The following ALK variants were observed in gnomAD, a reference collection of about 807,000 sequenced individuals.
ALK encodes the protein ALK receptor tyrosine kinase.
In ALK, 74 loss-of-function variants were observed where a neutral mutation model predicts 163.1. The ratio of observed to expected loss-of-function variants is 0.45; its 90% confidence interval spans 0.38 to 0.55. The LOEUF is 0.55. Among genes scored for constraint, ALK ranks in the 20% least tolerant of loss-of-function variants. The probability of loss-of-function intolerance (pLI) is 0.00; values close to 1 mark genes in which losing one functional copy is unlikely to be tolerated. For missense variants in ALK, 2,063 were observed against 2,105.3 expected (o/e 0.98, Z 0.39); for synonymous variants, 960 against 843.2 (o/e 1.14, Z -2.40).
At chr2:29,451,478 C>T (rs566129634) in intron 4 of ALK, among the ~76,000 whole-genome samples, 1 of 152,312 alleles carries the variant, frequency 6.6e-6, no homozygotes, top group Non-Finnish European at 1.5e-5. Flanking sequence ...TACACACACA[C>T]AACCAAACTG....
At chr2:29,741,055 T>C (rs1680045349) in intron 1 of ALK, among the ~76,000 whole-genome samples, 1 of 152,118 alleles carries the variant, frequency 6.6e-6, no homozygotes, top group African/African-American at 2.4e-5. Flanking sequence ...ATGAAAGACA[T>C]GGAAGATACT....
At chr2:29,643,910 G>A (rs1198330036) in intron 3 of ALK, among the ~76,000 whole-genome samples, 1 of 152,060 alleles carries the variant, frequency 6.6e-6, no homozygotes, top group African/African-American at 2.4e-5. Flanking sequence ...ATATACCTGA[G>A]GGATTACAAA....
intron 4 of ALK, among the ~76,000 whole-genome samples, chr2:29,413,058 T>A (rs1160622648): frequency 6.6e-6 from 1 of 152,232 alleles, no homozygotes; most frequent in East Asian, 1.9e-4. Flanking sequence ...ACCTTCGTAG[T>A]CCTTAATCAC....
chr2:29,780,429 CACCTCTCTAGGGTATTTTTAGA>C (rs1681302291), intron 1 of ALK, among the ~76,000 whole-genome samples: 1 of 152,230 alleles, frequency 6.6e-6, no homozygotes, highest in African/African-American at 2.4e-5. Flanking sequence ...GTGGGCCTCC[CACCTCTCTAGGGTATTTTTAGA>C]ACTGAGCATG....
At chr2:29,355,551 A>T (rs1265014367) in intron 5 of ALK, among the ~76,000 whole-genome samples, 1 of 152,114 alleles carries the variant, frequency 6.6e-6, no homozygotes, top group Non-Finnish European at 1.5e-5. Context: ...TCCTTATGCC[A>T]CTATCCCATC....
At chr2:29,575,337 G>T (rs576254856) in intron 3 of ALK, among the ~76,000 whole-genome samples, 1 of 152,102 alleles carries the variant, frequency 6.6e-6, no homozygotes, top group Non-Finnish European at 1.5e-5. Flanking sequence ...GGAAAGCTGC[G>T]AATGTTTTCA....
chr2:29,541,132 G>A (rs1673401706), intron 3 of ALK, among the ~76,000 whole-genome samples: 1 of 152,158 alleles, frequency 6.6e-6, no homozygotes, highest in African/African-American at 2.4e-5. Context: ...GGACACAACT[G>A]TTTAACCAAA....
At chr2:29,203,786 G>A (rs949775053) in intron 26 of ALK, among the ~76,000 whole-genome samples, 49 of 151,694 alleles carry the variant, frequency 3.2e-4, no homozygotes, top group African/African-American at 9.2e-4. Context: ...GCCCGGCCGA[G>A]GATATGCCCT....
chr2:29,452,979 T>C (rs1209804429), intron 4 of ALK, among the ~76,000 whole-genome samples: 2 of 152,098 alleles, frequency 1.3e-5, no homozygotes, highest in South Asian at 4.1e-4. Flanking sequence ...GGGAGGAAAA[T>C]AAGCAGATAC....
chr2:29,513,179 C>T (rs1219375751), intron 4 of ALK, among the ~76,000 whole-genome samples: 3 of 147,570 alleles, frequency 2.0e-5, no homozygotes, highest in African/African-American at 7.8e-5. Context: ...CAAAAAAGAG[C>T]CCACATCGCC....
chr2:29,418,659 T>C (rs963988397), intron 4 of ALK, among the ~76,000 whole-genome samples: 2 of 152,238 alleles, frequency 1.3e-5, no homozygotes, highest in African/African-American at 4.8e-5. Context: ...TTTCTGTTTC[T>C]GAGTTATCTC....
intron 1 of ALK, among the ~76,000 whole-genome samples, chr2:29,911,056 C>A (rs556143469): frequency 1.4e-4 from 21 of 152,254 alleles, no homozygotes; most frequent in African/African-American, 5.1e-4. Context: ...GGAAGAGAGT[C>A]AAAACCTGAA....
chr2:29,560,044 C>A (rs1042771161), intron 3 of ALK, among the ~76,000 whole-genome samples: 1 of 152,084 alleles, frequency 6.6e-6, no homozygotes, highest in Non-Finnish European at 1.5e-5. Flanking sequence ...TTTGAAGTTT[C>A]CTAAAATATT....
At chr2:29,420,880 C>G in intron 4 of ALK, among the ~76,000 whole-genome samples, 1 of 151,652 alleles carries the variant, frequency 6.6e-6, no homozygotes, top group South Asian at 2.1e-4. Context: ...AAAGAGAATG[C>G]TAGCCAGACC....
intron 3 of ALK, among the ~76,000 whole-genome samples, chr2:29,674,760 C>A (rs1677821332): frequency 6.7e-6 from 1 of 149,758 alleles, no homozygotes; most frequent in South Asian, 2.1e-4. Context: ...GTACCAGTTC[C>A]TCCTTGTACC....
In ALK at chr2:29,831,112, A is replaced by AGGG. The variant is rs1293514682; in HGVS notation, c.667+88880_667+88881insCCC. ...GAGGAGGAGGAGGAGGAGGAGGAGA[A>AGGG]GAAGAAGAAGAAGGGGAAGAAGGGG... On this transcript the variant is annotated intron_variant, in intron 1 of 28. Transcript: ENST00000389048. Among the ~76,000 whole-genome samples the AGGG allele has an allele frequency of 3.9e-4, 18 of 46,444 alleles. 3 individuals carry two copies. Among genetic ancestry groups the AGGG allele is most frequent in the African/African-American group, 1.6e-3 (17 of 10,410 alleles). The allele number at this position is 46,444 out of a possible 152,430, so 30.5% of individuals were successfully genotyped here.
chr2:29,771,676 AG>A (rs1407270157), intron 1 of ALK, among the ~76,000 whole-genome samples: 2 of 152,034 alleles, frequency 1.3e-5, no homozygotes, highest in Non-Finnish European at 2.9e-5. Flanking sequence ...CTGGGACTAC[AG>A]GCGCCTGCCA....
chr2:29,560,693 C>A (rs113204175), intron 3 of ALK, among the ~76,000 whole-genome samples: 61 of 151,996 alleles, frequency 4.0e-4, no homozygotes, highest in African/African-American at 1.3e-3. Flanking sequence ...CACCTCAGCC[C>A]GTTGAGTAGC....
chr2:29,588,004 A>T (rs1031750246), intron 3 of ALK, among the ~76,000 whole-genome samples: 6 of 152,084 alleles, frequency 3.9e-5, no homozygotes, highest in Non-Finnish European at 7.4e-5. Context: ...CAGAGAATGC[A>T]TCATCAGAGT....
Sources: gnomAD v4.1 joint callset for allele counts (sites outside exome capture counted in the v4.1 genomes callset) on GRCh38, gnomAD v4.1.1 for gene constraint, MANE v1.5 for transcripts, NCBI Gene and HGNC (gene_info 2026-07-23, HGNC 2026-07-21) for gene names.